The following MGAT5B variants were observed in gnomAD, a reference collection of about 807,000 sequenced individuals.
MGAT5B encodes the protein N-acetylglucosaminyl-transferase Vb.
Under a neutral mutation model 95.1 loss-of-function variants are expected in MGAT5B, and 54 were observed. The observed-to-expected ratio is 0.57, with a 90% CI of 0.46 to 0.71. The LOEUF (loss-of-function observed/expected upper bound fraction) is 0.71, where lower values mean the gene tolerates loss of function less well. MGAT5B is among the 30% of genes least tolerant of loss of function. MGAT5B has a pLI of 0.00. For missense variants in MGAT5B, 935 were observed against 1,088.6 expected, an observed-to-expected ratio of 0.86 and a Z score of 1.99; for synonymous variants, 464 against 451.0, an observed-to-expected ratio of 1.03 and a Z score of -0.36.
chr17:76,873,086 A>G, intron 2 of MGAT5B, 123 bp downstream of exon 2: 1 of 1,085,352 alleles, frequency 9.2e-7, no homozygotes, highest in East Asian at 2.5e-5. Context: ...ATGTGAGTGG[A>G]GGGGGCCTGG....
chr17:76,873,119 T>G (rs1040559407), intron 2 of MGAT5B, among the ~76,000 whole-genome samples, 156 bp downstream of exon 2: 3 of 152,264 alleles, frequency 2.0e-5, no homozygotes, highest in African/African-American at 7.2e-5. Context: ...TGACCCTCCA[T>G]GCACTTTGGC....
In MGAT5B at chr17:76,915,665, G is replaced by A. The variant is rs1201518606; in HGVS notation, c.1026-9301G>A. ...TAAGCACACAGATTAGGAAAAGGTG[G>A]GGAAGAACCGCATCTTGGCACCTAG... is the stretch of plus-strand genomic sequence containing the variant. On this transcript the variant is annotated intron_variant, in intron 8 of 17. Transcript: ENST00000569840. This position sits in a 1 kb window ranked among gnomAD's most constrained non-coding sequence, Gnocchi z 8.7. Among the ~76,000 whole-genome samples the A allele has an allele frequency of 6.6e-6, 1 of 152,164 alleles. No individual in the cohort carries two copies. The highest frequency in any genetic ancestry group is 1.9e-4 in the East Asian group (1 of 5,188).
intron 8 of MGAT5B, among the ~76,000 whole-genome samples, chr17:76,921,977 A>C (rs946117089): frequency 1.3e-5 from 2 of 152,146 alleles, no homozygotes; most frequent in Non-Finnish European, 2.9e-5. Flanking sequence ...CTTGTGTCCA[A>C]AACGTTAGCC....
intron 3 of MGAT5B, among the ~76,000 whole-genome samples, chr17:76,897,370 G>T (rs536115188): frequency 1.5e-4 from 23 of 152,338 alleles, no homozygotes; most frequent in African/African-American, 5.5e-4. Context: ...GGAGACAGAA[G>T]TCTGAAATTA....
chr17:76,948,446 CCT>C (rs1197071404), intron 17 of MGAT5B, among the ~76,000 whole-genome samples, 192 bp from the exon 18 acceptor site: 4 of 152,222 alleles, frequency 2.6e-5, no homozygotes, highest in African/African-American at 4.8e-5. Flanking sequence ...AGGCCAGGCC[CCT>C]CTCTTCTCCA....
At chr17:76,911,422 G>T (rs1292640536) in intron 8 of MGAT5B, among the ~76,000 whole-genome samples, 1 of 152,186 alleles carries the variant, frequency 6.6e-6, no homozygotes, top group Non-Finnish European at 1.5e-5. Flanking sequence ...AGAGCACCCA[G>T]GATACCCTTG....
chr17:76,913,701 C>T (rs747511159), intron 8 of MGAT5B: 8 of 510,834 alleles, frequency 1.6e-5, no homozygotes, highest in East Asian at 5.5e-5. Context: ...CAAGAGCAAG[C>T]CAGATGTGGA....
At chr17:76,888,672 G>A (rs1386360164) in intron 3 of MGAT5B, among the ~76,000 whole-genome samples, 2 of 152,162 alleles carry the variant, frequency 1.3e-5, no homozygotes, top group Non-Finnish European at 1.5e-5. Context: ...TGATTACCTC[G>A]TGGGGCAGGG....
Position 76,874,714 on chromosome 17 carries a change from T to TC in MGAT5B, c.181+1751_181+1752insC, listed in dbSNP as rs1467807126. The stretch of plus-strand genomic sequence containing the variant: ...GGTTAGAGAGTCAAGGTAACTCACC[T>TC]ACCCCATGGCTCTTGCCCCATCTGG... On this transcript the variant is annotated intron_variant, in intron 2 of 17. Coordinates refer to ENST00000569840, the MANE Select transcript of MGAT5B (RefSeq NM_001199172.2). 3.3e-5 allele frequency among the ~76,000 whole-genome samples: 5 copies of TC among 152,156 alleles called. No individual in the cohort carries two copies. In the East Asian group the frequency reaches 7.8e-4, roughly 24 times the overall value.
chr17:76,909,617 A>G (rs993443675), intron 8 of MGAT5B, among the ~76,000 whole-genome samples: 23 of 152,338 alleles, frequency 1.5e-4, no homozygotes, highest in African/African-American at 5.5e-4. Flanking sequence ...AGCAAGCACC[A>G]GTCTTGGGCA....
At position 76,941,288 on chromosome 17, in the gene MGAT5B, C is replaced by T. The variant is rs530029075; in HGVS notation, c.1848+440C>T. On this transcript the variant is annotated intron_variant, in intron 15 of 17. Transcript: ENST00000569840. ...CAGAGCGTCTGTTAATGCGGGGCAACGCTTCGAGTAGCAAGGGGGCAGAAC... is the reference window on the plus strand; with the variant it reads ...CAGAGCGTCTGTTAATGCGGGGCAATGCTTCGAGTAGCAAGGGGGCAGAAC... 7.9e-5 allele frequency among the ~76,000 whole-genome samples: 12 copies of T among 152,340 alleles called. No homozygotes were observed. The South Asian group carries it at 1.7e-3, about 21-fold the overall frequency.
chr17:76,872,657 T>C (rs1967049107), intron 1 of MGAT5B, 194 bp from the exon 2 acceptor site: 3 of 1,480,032 alleles, frequency 2.0e-6, no homozygotes, highest in South Asian at 2.8e-5. Context: ...GCCAGCATCT[T>C]GTAGTTGAGC....
At chr17:76,902,428 G>T in intron 3 of MGAT5B, 127 bp from the exon 4 acceptor site, 1 of 651,190 alleles carries the variant, frequency 1.5e-6, no homozygotes, top group Non-Finnish European at 2.7e-6. Context: ...TCTGCTTGGG[G>T]TCAGGGTTTG....
chr17:76,872,686 G>C, intron 1 of MGAT5B, 165 bp from the exon 2 acceptor site: 1 of 1,532,620 alleles, frequency 6.5e-7, no homozygotes, highest in Non-Finnish European at 8.8e-7. Flanking sequence ...TCCTATAGTG[G>C]GGGGGCCCTC....
chr17:76,920,280 T>C (rs1230742661), intron 8 of MGAT5B, among the ~76,000 whole-genome samples: 1 of 150,572 alleles, frequency 6.6e-6, no homozygotes, highest in African/African-American at 2.5e-5. Context: ...AGCCCTTGAC[T>C]GAGAGTACAA....
At chr17:76,875,536 T>A (rs1223874007) in intron 2 of MGAT5B, among the ~76,000 whole-genome samples, 2 of 152,054 alleles carry the variant, frequency 1.3e-5, no homozygotes, top group Non-Finnish European at 2.9e-5. Flanking sequence ...CTCAGGTATG[T>A]CTTTAGTAGC....
chr17:76,876,750 T>C (rs1967206819), intron 2 of MGAT5B, among the ~76,000 whole-genome samples: 1 of 152,250 alleles, frequency 6.6e-6, no homozygotes, highest in African/African-American at 2.4e-5. Flanking sequence ...TCATTCTGTA[T>C]TCTGCACACT....
chr17:76,874,957 A>ATGTG (rs1491265521), intron 2 of MGAT5B, among the ~76,000 whole-genome samples: 2 of 152,086 alleles, frequency 1.3e-5, no homozygotes, highest in South Asian at 2.1e-4. Flanking sequence ...ATGTGTGTGC[A>ATGTG]TGTGTGTGTG....
At chr17:76,921,041 T>A (rs1164582031) in intron 8 of MGAT5B, among the ~76,000 whole-genome samples, 5 of 152,038 alleles carry the variant, frequency 3.3e-5, no homozygotes, top group African/African-American at 2.4e-5. Context: ...ATTGACCAGG[T>A]GTGTCCCAGG....
Sources: gnomAD v4.1 joint callset for allele counts (sites outside exome capture counted in the v4.1 genomes callset) on GRCh38, gnomAD v4.1.1 for gene constraint, Gnocchi (gnomAD v3.1) non-coding constraint, MANE v1.5 for transcripts, NCBI Gene and HGNC (gene_info 2026-07-23, HGNC 2026-07-21) for gene names.